FLRT2: variants seen among roughly 807,000 people sequenced by gnomAD.
FLRT2 encodes the protein fibronectin leucine rich transmembrane protein 2, also known as leucine-rich repeat transmembrane protein FLRT2.
Under a neutral mutation model 40.0 loss-of-function variants are expected in FLRT2, and 15 were observed. That is an observed-to-expected ratio of 0.38 (90% CI 0.25 to 0.58). The LOEUF is 0.58. Ranked by LOEUF, FLRT2 falls within the 20% of genes least tolerant of loss-of-function variation. The pLI, the probability that FLRT2 is intolerant of heterozygous loss-of-function variation, is 0.71. For synonymous variants in FLRT2, 380 were observed against 336.8 expected, an observed-to-expected ratio of 1.13 and a Z score of -1.41; for missense variants, 726 against 840.0, an observed-to-expected ratio of 0.86 and a Z score of 1.68.
At position 85,645,594 on chromosome 14, in the gene FLRT2, G is replaced by A. The variant is rs1043528628; in HGVS notation, c.*22097G>A. On this transcript the variant is annotated 3_prime_UTR_variant, in exon 2 of 2. Coordinates refer to ENST00000330753, the MANE Select transcript of FLRT2 (RefSeq NM_013231.6). Reference sequence around the variant, plus strand: ...ATAAGGAGACTTAGGGAAGAAATACGTGTTAAGGATTGTTCATAAGTGGCA... The same window carrying A: ...ATAAGGAGACTTAGGGAAGAAATACATGTTAAGGATTGTTCATAAGTGGCA... 2.0e-5 allele frequency: 3 copies of A among 152,080 alleles called. No homozygotes were observed. Among genetic ancestry groups the A allele is most frequent in the Non-Finnish European group, 4.4e-5 (3 of 68,008 alleles). The allele number at this position is 152,080 out of a possible 1,614,324, so 9.4% of individuals were successfully genotyped here.
At chr14:85,588,005 C>A (rs1244647529) in intron 1 of FLRT2, among the ~76,000 whole-genome samples, 1 of 151,922 alleles carries the variant, frequency 6.6e-6, no homozygotes, top group Non-Finnish European at 1.5e-5. Flanking sequence ...AATCTCAGCT[C>A]ACCGCAATCT....
chr14:85,549,855 A>C (rs1440233194), intron 1 of FLRT2, among the ~76,000 whole-genome samples: 1 of 149,272 alleles, frequency 6.7e-6, no homozygotes, highest in Non-Finnish European at 1.5e-5. Flanking sequence ...GCAATTCCGT[A>C]AGGCTGTGTT....
intron 1 of FLRT2, among the ~76,000 whole-genome samples, chr14:85,538,770 C>T (rs537877821): frequency 3.2e-4 from 49 of 152,192 alleles, no homozygotes; most frequent in African/African-American, 1.1e-3. Context: ...ATATACTGTC[C>T]ATTGAAGTCA....
chr14:85,566,560 T>TGTGTGTGC (rs1377190820), intron 1 of FLRT2, among the ~76,000 whole-genome samples: 39 of 151,198 alleles, frequency 2.6e-4, no homozygotes, highest in East Asian at 9.7e-4. Context: ...TGTGTGTGTG[T>TGTGTGTGC]GTGTGTGTGT....
intron 1 of FLRT2, among the ~76,000 whole-genome samples, chr14:85,617,429 A>G (rs1469140150): frequency 6.6e-6 from 1 of 152,248 alleles, no homozygotes; most frequent in South Asian, 2.1e-4. Flanking sequence ...AGACTTGAAA[A>G]GAGAAATGTG....
rs564285070 is a variant in FLRT2, at chr14:85,550,029, T to G, written c.-377+19495T>G. On this transcript the variant is annotated intron_variant, in intron 1 of 1. Transcript: ENST00000330753. ...TTGTTGAAGAACTCTTACAACCACT[T>G]ATTTCTGGGAAAAAAAAAAAAGAAA... Among the ~76,000 whole-genome samples the G allele has an allele frequency of 2.7e-5, 3 of 111,886 alleles. No homozygotes were observed. The South Asian group carries it at 9.4e-4, about 35-fold the overall frequency. The allele number at this position is 111,886 out of a possible 152,430, so 73.4% of individuals were successfully genotyped here.
rs759475732 is a variant in FLRT2, at chr14:85,621,473, T to C, written c.-42T>C. 2.6e-5 allele frequency: 40 copies of C among 1,528,220 alleles called. No individual in the cohort carries two copies. The highest frequency in any genetic ancestry group is 3.4e-5 in the Non-Finnish European group (39 of 1,137,718). 94.7% of individuals were successfully genotyped at this position (1,528,220 alleles called of 1,614,324 possible). A position where few individuals can be genotyped will look rare whatever the true frequency, so the allele number is the denominator to read the frequency against. ...TTGCTGTTTATTTTTTTTTTCTTTTTCTTTTTCCCACCACATTGTATTTTA... is the reference window on the plus strand; with the variant it reads ...TTGCTGTTTATTTTTTTTTTCTTTTCCTTTTTCCCACCACATTGTATTTTA... On this transcript the variant is annotated 5_prime_UTR_variant, in exon 2 of 2. Transcript: ENST00000330753.
At chr14:85,597,228 A>G (rs1408309783) in intron 1 of FLRT2, among the ~76,000 whole-genome samples, 1 of 152,168 alleles carries the variant, frequency 6.6e-6, no homozygotes, top group Admixed American at 6.5e-5. Context: ...AATATATATC[A>G]GGCCATGAGA....
intron 1 of FLRT2, among the ~76,000 whole-genome samples, chr14:85,574,497 G>A (rs925369416): frequency 1.3e-5 from 2 of 152,132 alleles, no homozygotes; most frequent in Non-Finnish European, 2.9e-5. Flanking sequence ...GTTTGTAGAG[G>A]CTTTGGTACT....
At chr14:85,559,979 C>T (rs750197245) in intron 1 of FLRT2, among the ~76,000 whole-genome samples, 35 of 152,166 alleles carry the variant, frequency 2.3e-4, no homozygotes, top group Non-Finnish European at 3.8e-4. Flanking sequence ...GAGGCTTTGC[C>T]GGGTCCTCCA....
At chr14:85,560,052 A>T (rs892231467) in intron 1 of FLRT2, among the ~76,000 whole-genome samples, 1 of 152,060 alleles carries the variant, frequency 6.6e-6, no homozygotes, top group Non-Finnish European at 1.5e-5. Context: ...CTGTACTTCA[A>T]AGTGTTTCTG....
chr14:85,551,708 G>A (rs376772565), intron 1 of FLRT2: 10 of 152,248 alleles, frequency 6.6e-5, no homozygotes, highest in African/African-American at 2.4e-4. Context: ...TAATGGACCC[G>A]ACTGAGATTA....
intron 1 of FLRT2, among the ~76,000 whole-genome samples, chr14:85,572,015 T>G (rs1049654884): frequency 6.6e-6 from 1 of 152,116 alleles, no homozygotes; most frequent in Non-Finnish European, 1.5e-5. Flanking sequence ...TGCATAGGGG[T>G]GAGACAAACC....
At chr14:85,537,509 A>G (rs552640877) in intron 1 of FLRT2, among the ~76,000 whole-genome samples, 24 of 152,092 alleles carry the variant, frequency 1.6e-4, no homozygotes, top group Non-Finnish European at 1.3e-4. Context: ...TCTTTCTTCT[A>G]AAACTACATG....
intron 1 of FLRT2, among the ~76,000 whole-genome samples, chr14:85,619,277 G>C (rs185318865): frequency 6.6e-6 from 1 of 151,854 alleles, no homozygotes; most frequent in African/African-American, 2.4e-5. Flanking sequence ...TAGAAATGGG[G>C]TTTCACTATA....
Position 85,636,411 on chromosome 14 carries a change from A to AAAAAAAAAAT in FLRT2, c.*12918_*12919insAAAAATAAAA, listed in dbSNP as rs1894005208. 1 of 148,568 alleles carries AAAAAAAAAAT rather than the reference A, an allele frequency of 6.7e-6. No individual in the cohort carries two copies. The highest frequency in any genetic ancestry group is 2.5e-5 in the African/African-American group (1 of 40,512). The allele number at this position is 148,568 out of a possible 1,614,324, so 9.2% of individuals were successfully genotyped here. A position where few individuals can be genotyped will look rare whatever the true frequency, so the allele number is the denominator to read the frequency against. On this transcript the variant is annotated 3_prime_UTR_variant, in exon 2 of 2. Coordinates refer to ENST00000330753, the MANE Select transcript of FLRT2 (RefSeq NM_013231.6). ...TGCAGAAAAAAAAAAAAAAAAAACA[A>AAAAAAAAAAT]AAAACATTCTTATTAATCTTAACTA...
At chr14:85,566,207 C>G (rs189301225) in intron 1 of FLRT2, among the ~76,000 whole-genome samples, 1 of 152,196 alleles carries the variant, frequency 6.6e-6, no homozygotes, top group African/African-American at 2.4e-5. Context: ...ACAGATTCTA[C>G]CTGGTTAGAG....
intron 1 of FLRT2, among the ~76,000 whole-genome samples, chr14:85,563,773 C>T (rs1456019907): frequency 6.6e-6 from 1 of 152,088 alleles, no homozygotes; most frequent in East Asian, 1.9e-4. Context: ...AACCCTAGTA[C>T]TTTATGTAAT....
Position 85,641,280 on chromosome 14 carries a change from T to C in FLRT2, c.*17783T>C, listed in dbSNP as rs1161615086. On this transcript the variant is annotated 3_prime_UTR_variant, in exon 2 of 2. Transcript: ENST00000330753. Reference sequence around the variant, plus strand: ...CCAATTCCTTCTATATGCCTTCCTTTCTGGATAGAATCGATCACATTTGCT... The same window carrying C: ...CCAATTCCTTCTATATGCCTTCCTTCCTGGATAGAATCGATCACATTTGCT... 1 of 152,248 alleles carries C rather than the reference T, an allele frequency of 6.6e-6. No individual in the cohort carries two copies. Among genetic ancestry groups the C allele is most frequent in the Non-Finnish European group, 1.5e-5 (1 of 68,046 alleles). 9.4% of individuals were successfully genotyped at this position (152,248 alleles called of 1,614,324 possible). A position where few individuals can be genotyped will look rare whatever the true frequency, so the allele number is the denominator to read the frequency against.
Sources: gnomAD v4.1 joint callset for allele counts (sites outside exome capture counted in the v4.1 genomes callset) on GRCh38, gnomAD v4.1.1 for gene constraint, MANE v1.5 for transcripts, NCBI Gene and HGNC (gene_info 2026-07-23, HGNC 2026-07-21) for gene names.